The following HDX variants were observed in gnomAD, a reference collection of about 807,000 sequenced individuals.
HDX encodes the protein chromosome X open reading frame 43.
A neutral mutation model predicts 45.2 loss-of-function variants in HDX; 19 were observed. That is an observed-to-expected ratio of 0.42 (90% CI 0.29 to 0.62). The LOEUF is 0.62. HDX is among the 20% of genes least tolerant of loss of function. The pLI is 0.20. For missense variants in HDX, 532 were observed against 493.9 expected, an observed-to-expected ratio of 1.08 and a Z score of -0.73; for synonymous variants, 188 against 172.8, an observed-to-expected ratio of 1.09 and a Z score of -0.69.
Position 84,361,743 on chromosome X carries a change from C to T in HDX, c.1306-131G>A. ...CAAAATTTATTTCACAATTCTTATTCAGTCCTCCCGTTCTGAAAATAAGCA... is the reference window on the plus strand; with the variant it reads ...CAAAATTTATTTCACAATTCTTATTTAGTCCTCCCGTTCTGAAAATAAGCA... On this transcript the variant is annotated intron_variant, in intron 5 of 10. Coordinates refer to ENST00000373177, the MANE Select transcript of HDX (RefSeq NM_001177479.2). 3 of 415,349 alleles carry T rather than the reference C, an allele frequency of 7.2e-6. No individual in the cohort carries two copies. The East Asian group carries it at 1.3e-4, about 17-fold the overall frequency. The allele number at this position is 415,349 out of a possible 1,213,427, so 34.2% of individuals were successfully genotyped here.
At chrX:84,486,538 C>T (rs762343928) in intron 2 of HDX, among the ~76,000 whole-genome samples, 2 of 111,485 alleles carry the variant, frequency 1.8e-5, no homozygotes, top group Non-Finnish European at 3.8e-5. Flanking sequence ...AAGAATAGAT[C>T]TGTTTGCAAA....
At chrX:84,406,914 T>C (rs1216019597) in intron 5 of HDX, among the ~76,000 whole-genome samples, 1 of 111,304 alleles carries the variant, frequency 9.0e-6, no homozygotes, top group East Asian at 2.8e-4. Flanking sequence ...TCATTGTTTT[T>C]ATTTAATTTT....
chrX:84,396,518 A>G (rs991871294), intron 5 of HDX, among the ~76,000 whole-genome samples: 1 of 111,915 alleles, frequency 8.9e-6, no homozygotes, highest in Admixed American at 9.5e-5. Context: ...TTGGGCCTCT[A>G]CATTGTTTGC....
At chrX:84,428,650 G>T (rs2039438415) in intron 5 of HDX, among the ~76,000 whole-genome samples, 1 of 110,994 alleles carries the variant, frequency 9.0e-6, no homozygotes. Context: ...TATTTTAACA[G>T]GTAAGGAAGT....
At chrX:84,484,103 A>C (rs1239118045) in intron 2 of HDX, among the ~76,000 whole-genome samples, 1 of 111,801 alleles carries the variant, frequency 8.9e-6, no homozygotes, top group Non-Finnish European at 1.9e-5. Context: ...GGAAGTTACA[A>C]ATTTTCTCAC....
At chrX:84,384,008 A>G (rs982887730) in intron 5 of HDX, among the ~76,000 whole-genome samples, 3 of 109,986 alleles carry the variant, frequency 2.7e-5, no homozygotes, top group African/African-American at 9.9e-5. Flanking sequence ...GCTGCGATAA[A>G]CATGGAAGCA....
chrX:84,481,385 C>T (rs1202606498), intron 2 of HDX, among the ~76,000 whole-genome samples: 1 of 111,152 alleles, frequency 9.0e-6, no homozygotes, highest in Non-Finnish European at 1.9e-5. Flanking sequence ...CTTCAATGTG[C>T]CAGATACAAT....
chrX:84,435,515 T>C, intron 5 of HDX, among the ~76,000 whole-genome samples: 1 of 110,153 alleles, frequency 9.1e-6, no homozygotes, highest in Non-Finnish European at 1.9e-5. Flanking sequence ...GTAGGTTGCC[T>C]GTTCACTCTG....
chrX:84,396,477 C>T (rs926825662), intron 5 of HDX, among the ~76,000 whole-genome samples: 2 of 111,776 alleles, frequency 1.8e-5, no homozygotes, highest in African/African-American at 6.5e-5. Flanking sequence ...TATTATGGCA[C>T]CTGTGTTAGT....
In HDX at chrX:84,497,691, CTGTG is replaced by C. The variant is rs3085364; in HGVS notation, c.-110+4647_-110+4650del. 2.9e-3 allele frequency among the ~76,000 whole-genome samples: 298 copies of C among 103,640 alleles called. 1 individual carries two copies. The highest frequency in any genetic ancestry group is 4.9e-3 in the Middle Eastern group (1 of 204). 90.0% of individuals were successfully genotyped at this position (103,640 alleles called of 115,157 possible). ...AGGGGAAAATATACATGTTATATGA[CTGTG>C]TGTGTGTGTGTGTGTGTGTATGAAT... is the stretch of plus-strand genomic sequence containing the variant. On this transcript the variant is annotated intron_variant, in intron 1 of 10. Coordinates refer to ENST00000373177, the MANE Select transcript of HDX (RefSeq NM_001177479.2).
chrX:84,334,671 G>C (rs867181830), intron 8 of HDX, among the ~76,000 whole-genome samples: 2 of 59,133 alleles, frequency 3.4e-5, no homozygotes, highest in Non-Finnish European at 6.6e-5. Context: ...TAAAAAAAAA[G>C]CAAAAAAAAA....
At chrX:84,446,552 G>A (rs1044919885) in intron 4 of HDX, among the ~76,000 whole-genome samples, 1 of 111,004 alleles carries the variant, frequency 9.0e-6, no homozygotes, top group Non-Finnish European at 1.9e-5. Flanking sequence ...CACAATGTCT[G>A]TTTGTTGCAT....
intron 8 of HDX, among the ~76,000 whole-genome samples, chrX:84,336,340 G>A (rs1423286590): frequency 2.7e-5 from 3 of 110,667 alleles, no homozygotes; most frequent in Non-Finnish European, 5.7e-5. Flanking sequence ...ATTAATAGGA[G>A]GAAAAAAGTT....
At chrX:84,443,369 T>A (rs778440111) in intron 4 of HDX, among the ~76,000 whole-genome samples, 8 of 111,849 alleles carry the variant, frequency 7.2e-5, no homozygotes, top group Non-Finnish European at 1.3e-4. Flanking sequence ...GATATTTCAA[T>A]TCCAAACTCA....
intron 10 of HDX, 42 bp downstream of exon 10, chrX:84,326,136 G>T: frequency 1.7e-6 from 2 of 1,175,520 alleles, no homozygotes; most frequent in Non-Finnish European, 2.3e-6. Context: ...ACCATTTTTT[G>T]ACTTGATACA....
chrX:84,412,761 T>A (rs967772803), intron 5 of HDX, among the ~76,000 whole-genome samples: 1 of 111,943 alleles, frequency 8.9e-6, no homozygotes, highest in African/African-American at 3.2e-5. Flanking sequence ...TCCTCAAATA[T>A]GTTTTGCATG....
chrX:84,400,867 G>A (rs920839383), intron 5 of HDX, among the ~76,000 whole-genome samples: 4 of 110,765 alleles, frequency 3.6e-5, no homozygotes, highest in African/African-American at 1.3e-4. Context: ...ATAGATCAAT[G>A]GAACAGAACA....
At chrX:84,362,319 T>C (rs2037641634) in intron 5 of HDX, among the ~76,000 whole-genome samples, 1 of 111,062 alleles carries the variant, frequency 9.0e-6, no homozygotes, top group African/African-American at 3.3e-5. Flanking sequence ...AGAAACATGA[T>C]AGAATAATGA....
chrX:84,323,764 G>T, intron 10 of HDX, among the ~76,000 whole-genome samples: 1 of 112,012 alleles, frequency 8.9e-6, no homozygotes, highest in Non-Finnish European at 1.9e-5. Flanking sequence ...TGTTGGAACT[G>T]CCTTTTTCAC....
Sources: gnomAD v4.1 joint callset for allele counts (sites outside exome capture counted in the v4.1 genomes callset) on GRCh38, gnomAD v4.1.1 for gene constraint, MANE v1.5 for transcripts, NCBI Gene and HGNC (gene_info 2026-07-23, HGNC 2026-07-21) for gene names.